TTLL5: variants seen among roughly 807,000 people sequenced by gnomAD.
The protein encoded by TTLL5 is tubulin polyglutamylase TTLL5.
Under a neutral mutation model 168.4 loss-of-function variants are expected in TTLL5, and 132 were observed. The ratio of observed to expected loss-of-function variants is 0.78; its 90% CI spans 0.68 to 0.91. The LOEUF (loss-of-function observed/expected upper bound fraction) is 0.91, where lower values mean the gene tolerates loss of function less well. TTLL5 is among the 40% of genes least tolerant of loss of function. The pLI is 0.00. For missense variants in TTLL5, 1,545 were observed against 1,581.5 expected (o/e 0.98, Z 0.39); for synonymous variants, 546 against 558.6 (o/e 0.98, Z 0.32).
At chr14:75,897,160 G>A (rs921705830) in intron 30 of TTLL5, among the ~76,000 whole-genome samples, 1 of 122,214 alleles carries the variant, frequency 8.2e-6, no homozygotes, top group African/African-American at 3.2e-5. Flanking sequence ...ATGCTCATTT[G>A]AGGTGCTTTC....
At chr14:75,864,551 G>A (rs1188748926) in intron 29 of TTLL5, among the ~76,000 whole-genome samples, 1 of 152,026 alleles carries the variant, frequency 6.6e-6, no homozygotes, top group African/African-American at 2.4e-5. Context: ...ACTGAGTGAG[G>A]GAGCTATATA....
chr14:75,810,424 G>A (rs1443903481), intron 27 of TTLL5, among the ~76,000 whole-genome samples: 1 of 152,150 alleles, frequency 6.6e-6, no homozygotes, highest in East Asian at 1.9e-4. Context: ...CTGGAGTACA[G>A]TGGTGTGATT....
chr14:75,840,412 C>G (rs1367543096), intron 28 of TTLL5, among the ~76,000 whole-genome samples: 2 of 151,242 alleles, frequency 1.3e-5, no homozygotes, highest in Non-Finnish European at 2.9e-5. Flanking sequence ...CACCCCCTGA[C>G]AGGCCCCGGT....
At chr14:75,678,068 C>T (rs1022847024) in intron 3 of TTLL5, among the ~76,000 whole-genome samples, 2 of 152,176 alleles carry the variant, frequency 1.3e-5, no homozygotes, top group Non-Finnish European at 2.9e-5. Context: ...GGGTTCAGTC[C>T]TTATTTCTAG....
chr14:75,799,040 C>G (rs929928961), intron 27 of TTLL5, among the ~76,000 whole-genome samples: 3 of 152,128 alleles, frequency 2.0e-5, no homozygotes, highest in African/African-American at 7.2e-5. Flanking sequence ...TGTTGATGAC[C>G]TGCCTAGTGC....
At chr14:75,827,707 C>CTTGTTTTTT (rs1895280329) in intron 28 of TTLL5, among the ~76,000 whole-genome samples, 1 of 53,170 alleles carries the variant, frequency 1.9e-5, no homozygotes, top group Non-Finnish European at 3.1e-5. Context: ...TGGCTTGGTT[C>CTTGTTTTTT]TTTTTTTTTT....
chr14:75,744,133 C>T (rs1459178162), intron 15 of TTLL5, among the ~76,000 whole-genome samples: 1 of 152,152 alleles, frequency 6.6e-6, no homozygotes, highest in Non-Finnish European at 1.5e-5. Flanking sequence ...AGAAATAATA[C>T]CTCGTGACAA....
intron 30 of TTLL5, chr14:75,886,607 G>A (rs927534879): frequency 2.8e-5 from 39 of 1,400,952 alleles, no homozygotes; most frequent in Non-Finnish European, 3.8e-5. Context: ...TCTGTGAAGG[G>A]AATGATTTAA....
chr14:75,940,204 G>A (rs930428051), intron 31 of TTLL5, among the ~76,000 whole-genome samples: 1 of 146,790 alleles, frequency 6.8e-6, no homozygotes, highest in Non-Finnish European at 1.5e-5. Context: ...TCAGCCTCCC[G>A]AGTAGCTGGG....
intron 15 of TTLL5, among the ~76,000 whole-genome samples, chr14:75,739,526 TTATCTC>T (rs1445324827): frequency 6.6e-6 from 1 of 152,200 alleles, no homozygotes; most frequent in Admixed American, 6.5e-5. Flanking sequence ...TTTTAAACCA[TTATCTC>T]TATATTTCTC....
Position 75,757,986 on chromosome 14 carries a change from C to T in TTLL5, c.1550+5031C>T, listed in dbSNP as rs888543806. 47 of 1,071,406 alleles carry T rather than the reference C, an allele frequency of 4.4e-5. No homozygotes were observed. In the African/African-American group the frequency reaches 7.4e-4, roughly 17 times the overall value. The allele number at this position is 1,071,406 out of a possible 1,614,324, so 66.4% of individuals were successfully genotyped here. On this transcript the variant is annotated intron_variant, in intron 18 of 31. Coordinates refer to ENST00000298832, the MANE Select transcript of TTLL5 (RefSeq NM_015072.5). ...TAGTTTGGTTCAGCTTGAATAGTAA[C>T]ATAAAAATTTTTTCTATTGAAAAAG...
At chr14:75,732,905 T>C (rs945869703) in intron 13 of TTLL5, among the ~76,000 whole-genome samples, 4 of 152,216 alleles carry the variant, frequency 2.6e-5, no homozygotes. Context: ...AACTTAAAAA[T>C]CTTTTTTTTA....
At chr14:75,908,074 C>T (rs772615894) in intron 31 of TTLL5, among the ~76,000 whole-genome samples, 25 of 152,328 alleles carry the variant, frequency 1.6e-4, no homozygotes, top group Middle Eastern at 3.4e-3. Flanking sequence ...GGAAAGAGCC[C>T]ATTTCTCAAC....
intron 23 of TTLL5, among the ~76,000 whole-genome samples, chr14:75,778,992 A>G (rs1007420710): frequency 5.3e-5 from 8 of 152,364 alleles, no homozygotes; most frequent in South Asian, 2.1e-4. Flanking sequence ...AGGTACTTCA[A>G]TTATCTAGAA....
At chr14:75,868,035 G>A (rs1209112480) in intron 29 of TTLL5, among the ~76,000 whole-genome samples, 3 of 152,192 alleles carry the variant, frequency 2.0e-5, no homozygotes, top group Non-Finnish European at 2.9e-5. Context: ...GAGGAGGGCT[G>A]CACCGGCTGT....
At position 75,669,453 on chromosome 14, in the gene TTLL5, A is replaced by G; in HGVS notation, c.112A>G (p.Arg38Gly). ...CATCATGTGGACTGGAGGCTGCAGG[A>G]GAATTCCAGTTTTGGTATTCCATGC... The part of the protein sequence containing the change: ...PCIMWTGGCR[R>G]IPVLVFHADA... Residue 38 changes from arginine to glycine, a missense_variant, in exon 3 of 32, where the codon AGA becomes GGA. Physicochemically the swap from Arg to Gly is moderately radical, Grantham distance 125. Coordinates refer to ENST00000298832, the MANE Select transcript of TTLL5 (RefSeq NM_015072.5). The G allele has an allele frequency of 4.3e-6, 7 of 1,614,196 alleles. No homozygotes were observed. The highest frequency in any genetic ancestry group is 5.9e-6 in the Non-Finnish European group (7 of 1,179,992).
At chr14:75,792,566 C>CAAAT (rs10682996) in intron 26 of TTLL5, among the ~76,000 whole-genome samples, 136,695 of 151,852 alleles carry the variant, frequency 0.9, 61,823 homozygotes, top group Admixed American at 0.93. Context: ...ACAAGAAAAA[C>CAAAT]AAGAATTATA....
intron 30 of TTLL5, among the ~76,000 whole-genome samples, chr14:75,901,798 AT>A (rs1442408543): frequency 6.6e-6 from 1 of 152,094 alleles, no homozygotes; most frequent in African/African-American, 2.4e-5. Context: ...CAGAAATATA[AT>A]TTTTTCCTTC....
intron 31 of TTLL5, among the ~76,000 whole-genome samples, chr14:75,927,977 C>G (rs2034132230): frequency 6.6e-6 from 1 of 152,052 alleles, no homozygotes; most frequent in Admixed American, 6.6e-5. Flanking sequence ...ATCCTGTTGC[C>G]CACTTGTGAT....
Sources: allele counts gnomAD v4.1 joint callset (sites outside exome capture counted in the v4.1 genomes callset), GRCh38; gene constraint gnomAD v4.1.1; transcripts MANE v1.5; gene names NCBI Gene and HGNC (gene_info 2026-07-23, HGNC 2026-07-21).